Variants in MKI67 observed in about 807,000 individuals in gnomAD.
MKI67 encodes the protein proliferation marker protein Ki-67.
Under a neutral mutation model 233.5 loss-of-function variants are expected in MKI67, and 152 were observed. The ratio of observed to expected loss-of-function variants is 0.65; its 90% confidence interval spans 0.57 to 0.74. MKI67 has a LOEUF of 0.74. Ranked by LOEUF, MKI67 falls within the 30% of genes least tolerant of loss-of-function variation. The pLI, the probability that MKI67 is intolerant of heterozygous loss-of-function variation, is 0.00. For missense variants in MKI67, 3,940 were observed against 3,885.2 expected, an observed-to-expected ratio of 1.01 and a Z score of -0.37; for synonymous variants, 1,465 against 1,418.5, an observed-to-expected ratio of 1.03 and a Z score of -0.74.
In MKI67 at chr10:128,106,834, T is replaced by A. The variant is rs1344951151; in HGVS notation, c.5006A>T (p.Asp1669Val). 6.2e-7 allele frequency: 1 copy of A among 1,613,988 alleles called. No homozygotes were observed. The highest frequency in any genetic ancestry group is 8.5e-7 in the Non-Finnish European group (1 of 1,180,020). Residue 1669 changes from aspartate to valine, a missense_variant, in exon 13 of 15, where the codon GAT becomes GTT. Physicochemically the swap from Asp to Val is radical, Grantham distance 152. Transcript: ENST00000368654. The part of the protein sequence containing the change: ...TTHTHTEPTG[D>V]GKSMKAFMES... ...CATAAATGCTTTCATGCTCTTACCA[T>A]CTCCTGTTGGCTCTGTGTGTGTGTG...
intron 7 of MKI67, among the ~76,000 whole-genome samples, chr10:128,114,237 T>C (rs1397955881): frequency 2.6e-5 from 4 of 152,172 alleles, no homozygotes; most frequent in South Asian, 4.1e-4. Flanking sequence ...AGACAACTTT[T>C]CTTCTAATAG....
In MKI67 at chr10:128,102,824, C is replaced by A. The variant is rs756109830; in HGVS notation, c.9016G>T (p.Val3006Phe). 1 of 1,614,200 alleles carries A rather than the reference C, an allele frequency of 6.2e-7. No individual in the cohort carries two copies. Among genetic ancestry groups the A allele is most frequent in the Admixed American group, 1.7e-5 (1 of 60,032 alleles). The change falls in exon 13 of 15, where the codon GTC (valine) becomes TTC (phenylalanine). Residue 3006 changes from valine (V) to phenylalanine (F), a missense_variant. Physicochemically the swap from Val to Phe is conservative, Grantham distance 50. Transcript: ENST00000368654. ...FKRGGGKDGS[V>F]TGTKRLRCMP... ...CAGCGCAGCCTCTTGGTTCCCGTGA[C>A]GCTTCCATCTTTGCCACCTCCCCTC...
rs1266136030 is a variant in MKI67 at position 128,111,734 on chromosome 10, G to T, written c.2171C>A (p.Thr724Asn). 6.2e-7 allele frequency: 1 copy of T among 1,614,172 alleles called. No individual in the cohort carries two copies. The change falls in exon 11 of 15, where the codon ACT (threonine) becomes AAT (asparagine). Residue 724 changes from threonine (T) to asparagine (N), a missense_variant. Physicochemically the swap from Thr to Asn is moderately conservative, Grantham distance 65. Transcript: ENST00000368654. ...TCGAGCAGGCACATGTACTTTTTCA[G>T]TATGAGCTTTCCCTATTATTATGGT... ...PCTIIIGKAH[T>N]EKVHVPARPY...
chr10:128,118,992 G>A (rs1023810841), intron 5 of MKI67, among the ~76,000 whole-genome samples: 15 of 152,146 alleles, frequency 9.9e-5, no homozygotes, highest in East Asian at 3.9e-4. Flanking sequence ...CAAAAAGCTC[G>A]CAACATGCTC....
At position 128,114,953 on chromosome 10, in the gene MKI67, A is replaced by G. The variant is rs746752826; in HGVS notation, c.1455T>C (p.Asp485=). 1 of 1,559,016 alleles carries G rather than the reference A, an allele frequency of 6.4e-7. No individual in the cohort carries two copies. Among genetic ancestry groups the G allele is most frequent in the Admixed American group, 2.0e-5 (1 of 49,120 alleles). ...TAATGGAATCACCAAAGTTGTTGAT[A>G]TCAACTGAACTAAGACCAGGTAACC... is the stretch of plus-strand genomic sequence containing the variant. ...CSGLPGLSSV[D]INNFGDSINE... The change falls in exon 7 of 15, where the codon GAT becomes GAC. Residue 485 remains aspartate, a synonymous_variant. Transcript: ENST00000368654.
In MKI67 at chr10:128,110,313, TA is replaced by T. The variant is rs1249114938; in HGVS notation, c.2416+64del. The T allele has an allele frequency of 4.6e-6, 6 of 1,295,124 alleles. No homozygotes were observed. The Admixed American group carries it at 7.4e-5, about 16-fold the overall frequency. 80.2% of individuals were successfully genotyped at this position (1,295,124 alleles called of 1,614,324 possible). A position where few individuals can be genotyped will look rare whatever the true frequency, so the allele number is the denominator to read the frequency against. ...TAGAGAAGTAATATCATACTGCTTG[TA>T]AAAAAATAATACTGTATGTTCCTAT... On this transcript the variant is annotated intron_variant, in intron 12 of 14. Transcript: ENST00000368654.
At chr10:128,122,091 C>G (rs1259785095) in intron 4 of MKI67, among the ~76,000 whole-genome samples, 1 of 152,116 alleles carries the variant, frequency 6.6e-6, no homozygotes, top group East Asian at 1.9e-4. Flanking sequence ...TGGAAATGTT[C>G]TATATGAGCT....
chr10:128,106,424 G>A lies in MKI67; in HGVS notation c.5416C>T (p.Leu1806=), dbSNP rs61729193. Residue 1806 remains leucine, a synonymous_variant, in exon 13 of 15, where the codon CTG becomes TTG. Coordinates refer to ENST00000368654, the MANE Select transcript of MKI67 (RefSeq NM_002417.5). ...CCAGGTAAATTTCCTGGCTGGTCCA[G>A]TTTCTGCACTGGAGTTCCCAAAAAC... is the stretch of plus-strand genomic sequence containing the variant. ...NTFLGTPVQK[L]DQPGNLPGSN... is the part of the protein sequence containing the mutation. 2.5e-6 allele frequency: 4 copies of A among 1,613,170 alleles called. No homozygotes were observed. Among genetic ancestry groups the A allele is most frequent in the Non-Finnish European group, 8.5e-7 (1 of 1,179,864 alleles).
intron 5 of MKI67, 126 bp downstream of exon 5, chr10:128,119,127 C>T: frequency 1.5e-6 from 1 of 689,294 alleles, no homozygotes; most frequent in Non-Finnish European, 2.5e-6. Flanking sequence ...ACTTTAGTTA[C>T]ATTTTCCTAC....
At chr10:128,110,350 C>T in intron 12 of MKI67, 28 bp downstream of exon 12, 2 of 1,509,666 alleles carry the variant, frequency 1.3e-6, no homozygotes, top group Non-Finnish European at 9.0e-7. Context: ...CCCAAAACAT[C>T]ACAGTGTTAG....
At position 128,108,536 on chromosome 10, in the gene MKI67, G is replaced by A. The variant is rs1278887283; in HGVS notation, c.3304C>T (p.Leu1102=). 1 of 1,614,210 alleles carries A rather than the reference G, an allele frequency of 6.2e-7. No homozygotes were observed. Among genetic ancestry groups the A allele is most frequent in the South Asian group, 1.1e-5 (1 of 91,086 alleles). ...TGGAAGAGCTCTTTGAAGCCAGCCA[G>A]GTCTTCTAGTGACTGGGCCTCTTCC... The part of the protein sequence containing the change: ...PKEEAQSLED[L]AGFKELFQTP... Residue 1102 remains leucine (L), a synonymous_variant, in exon 13 of 15, where the codon CTG becomes TTG. Coordinates refer to ENST00000368654, the MANE Select transcript of MKI67 (RefSeq NM_002417.5).
intron 11 of MKI67, 97 bp downstream of exon 11, chr10:128,111,544 ATCTC>A: frequency 2.9e-6 from 3 of 1,018,492 alleles, no homozygotes; most frequent in Non-Finnish European, 2.8e-6. Context: ...TTATTTTATA[ATCTC>A]TTTCACAGCA....
intron 13 of MKI67, 128 bp from the exon 14 acceptor site, chr10:128,101,829 G>A (rs1852343712): frequency 1.4e-6 from 1 of 735,988 alleles, no homozygotes; most frequent in Admixed American, 3.0e-5. Context: ...CTGATGAATT[G>A]TCTAAGAGAC....
At position 128,119,235 on chromosome 10, in the gene MKI67, T is replaced by G; in HGVS notation, c.354+18A>C. 1.3e-6 allele frequency: 2 copies of G among 1,567,282 alleles called. No individual in the cohort carries two copies. Among genetic ancestry groups the G allele is most frequent in the Non-Finnish European group, 1.8e-6 (2 of 1,138,548 alleles). On this transcript the variant is annotated intron_variant, in intron 5 of 14. Coordinates refer to ENST00000368654, the MANE Select transcript of MKI67 (RefSeq NM_002417.5). Reference sequence around the variant, plus strand: ...ATCATCGAAACGAATCAGCCCAAACTTGGATATTTTCTATCACCTGTTCAC... The same window carrying G: ...ATCATCGAAACGAATCAGCCCAAACGTGGATATTTTCTATCACCTGTTCAC...
chr10:128,106,066 A>C lies in MKI67; in HGVS notation c.5774T>G (p.Val1925Gly), dbSNP rs763849084. The C allele has an allele frequency of 2.2e-5, 35 of 1,613,706 alleles. No individual in the cohort carries two copies. Among genetic ancestry groups the C allele is most frequent in the Non-Finnish European group, 2.9e-5 (34 of 1,179,978 alleles). Residue 1925 changes from valine to glycine, a missense_variant, in exon 13 of 15, where the codon GTG (valine) becomes GGG (glycine). Physicochemically the swap from Val to Gly is moderately radical, Grantham distance 109 (BLOSUM62 -3). Transcript: ENST00000368654. ...ATTTCCTAGCAGGTCCAGTTTCTCCACTGGAGTCCCCACAAATGTGTTGAT... is the reference window on the plus strand; with the variant it reads ...ATTTCCTAGCAGGTCCAGTTTCTCCCCTGGAGTCCCCACAAATGTGTTGAT... ...KDINTFVGTP[V>G]EKLDLLGNLP...
Position 128,104,871 on chromosome 10 carries a change from G to C in MKI67, c.6969C>G (p.Phe2323Leu), listed in dbSNP as rs746311576. 44 of 1,611,938 alleles carry C rather than the reference G, an allele frequency of 2.7e-5. No homozygotes were observed. The highest frequency in any genetic ancestry group is 3.5e-5 in the Non-Finnish European group (41 of 1,179,592). Residue 2323 changes from phenylalanine (F) to leucine (L), a missense_variant, in exon 13 of 15, where the codon TTC becomes TTG. By Grantham distance (22) the Phe-to-Leu change is conservative. Transcript: ENST00000368654. ...TGGGCTTGTCAGTGCCTGGTGTCTG[G>C]AAGAGCTCTTTGAAGCCAGCCAGGT... The part of the protein sequence containing the change: ...LEDLAGFKEL[F>L]QTPGTDKPTT...
Position 128,107,102 on chromosome 10 carries a change from C to T in MKI67, c.4738G>A (p.Glu1580Lys). ...GSKRRLQTPK[E>K]KAQALEDLAG... ...AGGTCTTCTAGAGCCTGGGCCTTTTCCTTAGGAGTTTGTAGCCGTCTCTTG... is the reference window on the plus strand; with the variant it reads ...AGGTCTTCTAGAGCCTGGGCCTTTTTCTTAGGAGTTTGTAGCCGTCTCTTG... Residue 1580 changes from glutamate (E) to lysine (K), a missense_variant, in exon 13 of 15, where the codon GAA (glutamate) becomes AAA (lysine). Physicochemically the swap from Glu to Lys is moderately conservative, Grantham distance 56 (BLOSUM62 1). Coordinates refer to ENST00000368654, the MANE Select transcript of MKI67 (RefSeq NM_002417.5). The T allele has an allele frequency of 1.2e-6, 2 of 1,613,794 alleles. No individual in the cohort carries two copies. The highest frequency in any genetic ancestry group is 3.3e-5 in the Admixed American group (2 of 59,986).
chr10:128,105,711 C>G lies in MKI67; in HGVS notation c.6129G>C (p.Lys2043Asn), dbSNP rs774143093. ...AGDGKSIKAF[K>N]ESAKQMLDPA... Reference sequence around the variant, plus strand: ...GGTCCAGCATCTGCTTTGCAGATTCCTTAAACGCTTTGATGCTCTTTCCAT... The same window carrying G: ...GGTCCAGCATCTGCTTTGCAGATTCGTTAAACGCTTTGATGCTCTTTCCAT... Residue 2043 changes from lysine (K) to asparagine (N), a missense_variant, in exon 13 of 15, where the codon AAG becomes AAC. Physicochemically the swap from Lys to Asn is moderately conservative, Grantham distance 94. Transcript: ENST00000368654. 1 of 1,614,116 alleles carries G rather than the reference C, an allele frequency of 6.2e-7. No individual in the cohort carries two copies. The highest frequency in any genetic ancestry group is 8.5e-7 in the Non-Finnish European group (1 of 1,180,042).
chr10:128,108,984 T>C lies in MKI67; in HGVS notation c.2856A>G (p.Arg952=), dbSNP rs1852603550. ...DEKMKAMKRS[R]TWGQKCAPMS... ...TTGGTGCACATTTCTGCCCCCAAGTTCTTGATCTCTTCATTGCTTTCATCT... is the reference window on the plus strand; with the variant it reads ...TTGGTGCACATTTCTGCCCCCAAGTCCTTGATCTCTTCATTGCTTTCATCT... The change falls in exon 13 of 15, where the codon AGA becomes AGG. Residue 952 remains arginine, a synonymous_variant. Coordinates refer to ENST00000368654, the MANE Select transcript of MKI67 (RefSeq NM_002417.5). 1 of 1,614,106 alleles carries C rather than the reference T, an allele frequency of 6.2e-7. No individual in the cohort carries two copies. The highest frequency in any genetic ancestry group is 8.5e-7 in the Non-Finnish European group (1 of 1,180,044).
Sources: gnomAD v4.1 joint callset for allele counts (sites outside exome capture counted in the v4.1 genomes callset) on GRCh38, gnomAD v4.1.1 for gene constraint, MANE v1.5 for transcripts, NCBI Gene and HGNC (gene_info 2026-07-23, HGNC 2026-07-21) for gene names.